Variants in RTF1 observed in about 807,000 individuals in gnomAD.
RTF1 encodes the protein RTF1 homolog, Paf1/RNA polymerase II complex component, also known as RNA polymerase-associated protein RTF1 homolog.
Under a neutral mutation model 95.7 loss-of-function variants are expected in RTF1, and 10 were observed. The observed-to-expected ratio is 0.10, with a 90% CI of 0.06 to 0.18. RTF1 has a LOEUF of 0.18. Ranked by LOEUF, RTF1 falls within the 10% of genes least tolerant of loss-of-function variation. RTF1 has a pLI of 1.00. For synonymous variants in RTF1, 305 were observed against 311.8 expected (o/e 0.98, Z 0.23); for missense variants, 458 against 875.6 (o/e 0.52, Z 6.02).
Position 41,471,184 on chromosome 15 carries a change from C to G in RTF1, c.1038C>G (p.Ile346Met), listed in dbSNP as rs773003912. Residue 346 changes from isoleucine (I) to methionine (M), a missense_variant, in exon 8 of 18, where the codon ATC becomes ATG. By Grantham distance (10) the Ile-to-Met change is conservative. Around this residue, in one of 11 missense-constraint regions of RTF1, gnomAD observed 150 missense variants for 275.7 expected, o/e 0.54. Coordinates refer to ENST00000389629, the MANE Select transcript of RTF1 (RefSeq NM_015138.5). Reference protein sequence around the residue: ...SSDEEEEKEEIPPKSQPVSLP... With the variant: ...SSDEEEEKEEMPPKSQPVSLP... The stretch of plus-strand genomic sequence containing the variant: ...TTGTTCCTCTTAGGAAAGAAGAGAT[C>G]CCTCCCAAATCCCAACCAGTTTCCT... 3.1e-6 allele frequency: 5 copies of G among 1,607,196 alleles called. No individual in the cohort carries two copies. Among genetic ancestry groups the G allele is most frequent in the Non-Finnish European group, 4.2e-6 (5 of 1,177,336 alleles).
At chr15:41,477,833 C>T (rs1432787475) in intron 14 of RTF1, among the ~76,000 whole-genome samples, 1 of 152,078 alleles carries the variant, frequency 6.6e-6, no homozygotes, top group Non-Finnish European at 1.5e-5. Context: ...ATGCCGGGCG[C>T]GGTGTCTCAC....
At chr15:41,446,017 AG>A (rs1275956261) in intron 2 of RTF1, among the ~76,000 whole-genome samples, 1 of 152,134 alleles carries the variant, frequency 6.6e-6, no homozygotes, top group Non-Finnish European at 1.5e-5. Flanking sequence ...ATCCCAGCAC[AG>A]GTGTGAGCCA....
chr15:41,432,442 C>A (rs938593954), intron 1 of RTF1, among the ~76,000 whole-genome samples: 2 of 151,680 alleles, frequency 1.3e-5, no homozygotes, highest in Admixed American at 1.3e-4. Context: ...CGTGATCCAC[C>A]CACCTCAGCC....
At chr15:41,459,375 C>CA (rs1441711722) in intron 4 of RTF1, among the ~76,000 whole-genome samples, 4 of 150,320 alleles carry the variant, frequency 2.7e-5, no homozygotes, top group Non-Finnish European at 4.4e-5. Flanking sequence ...GACCCTGTGT[C>CA]AAAAAAAAGG....
At chr15:41,454,786 T>C (rs1461686536) in intron 3 of RTF1, among the ~76,000 whole-genome samples, 1 of 152,174 alleles carries the variant, frequency 6.6e-6, no homozygotes, top group Admixed American at 6.5e-5. Context: ...CCAAACCAAA[T>C]GAAGTGGACA....
At chr15:41,446,634 C>T (rs1002899868) in intron 2 of RTF1, among the ~76,000 whole-genome samples, 2 of 151,986 alleles carry the variant, frequency 1.3e-5, no homozygotes, top group Admixed American at 1.3e-4. Flanking sequence ...TGCGCTAAAA[C>T]TTGTCTTATT....
chr15:41,460,785 C>G (rs1179471232), intron 4 of RTF1, among the ~76,000 whole-genome samples: 1 of 151,930 alleles, frequency 6.6e-6, no homozygotes. Flanking sequence ...TTGCCACCTC[C>G]TGGATTCAAG....
At chr15:41,477,346 G>A in intron 13 of RTF1, 60 bp downstream of exon 13, 1 of 1,613,780 alleles carries the variant, frequency 6.2e-7, no homozygotes, top group Non-Finnish European at 8.5e-7. Flanking sequence ...AGGCAAGCCT[G>A]TGGCCTGTAC....
chr15:41,437,939 A>G (rs1017269455), intron 1 of RTF1, among the ~76,000 whole-genome samples: 2 of 152,208 alleles, frequency 1.3e-5, no homozygotes, highest in Non-Finnish European at 2.9e-5. Context: ...CAATTTTACC[A>G]TTAAAATACT....
intron 2 of RTF1, chr15:41,440,266 C>G (rs2050726462): frequency 6.7e-6 from 1 of 150,284 alleles, no homozygotes; most frequent in Admixed American, 6.7e-5. Context: ...TCTCGGCTCA[C>G]TGCAACCTCT....
At chr15:41,434,400 C>T (rs868693165) in intron 1 of RTF1, among the ~76,000 whole-genome samples, 8 of 152,102 alleles carry the variant, frequency 5.3e-5, no homozygotes, top group South Asian at 2.1e-4. Context: ...GTGAATGAAT[C>T]TCAAATGCAC....
intron 1 of RTF1, among the ~76,000 whole-genome samples, chr15:41,434,479 A>G (rs1326245370): frequency 6.6e-6 from 1 of 152,142 alleles, no homozygotes; most frequent in African/African-American, 2.4e-5. Flanking sequence ...ATGATGTTCT[A>G]TAGGGACAGA....
chr15:41,464,545 C>T (rs2050870806), intron 4 of RTF1, among the ~76,000 whole-genome samples: 1 of 152,196 alleles, frequency 6.6e-6, no homozygotes, highest in South Asian at 2.1e-4. Context: ...GGCCCGTAGT[C>T]TCTCATTTTA....
chr15:41,475,392 T>C (rs747543857), intron 9 of RTF1, 133 bp from the exon 10 acceptor site: 2 of 685,728 alleles, frequency 2.9e-6, no homozygotes, highest in Non-Finnish European at 5.0e-6. Context: ...CCTGGGATGA[T>C]TTTATAGGGT....
At chr15:41,455,674 G>A (rs2050810173) in intron 3 of RTF1, among the ~76,000 whole-genome samples, 1 of 151,742 alleles carries the variant, frequency 6.6e-6, no homozygotes, top group Non-Finnish European at 1.5e-5. Context: ...GCATGGTGGT[G>A]CGCTCCTGTG....
chr15:41,450,209 A>G (rs2140957205), intron 2 of RTF1, among the ~76,000 whole-genome samples: 1 of 152,336 alleles, frequency 6.6e-6, no homozygotes, highest in Admixed American at 6.5e-5. Context: ...AATAAAAAAT[A>G]AAATGAAATA....
intron 16 of RTF1, 130 bp downstream of exon 16, chr15:41,479,328 C>G (rs1478400237): frequency 1.6e-6 from 1 of 618,114 alleles, no homozygotes; most frequent in Non-Finnish European, 2.9e-6. Flanking sequence ...AGTCCCTTCT[C>G]CATCCCAGTT....
Position 41,417,176 on chromosome 15 carries a change from C to A in RTF1, c.61C>A (p.Leu21Met). 1 of 1,264,268 alleles carries A rather than the reference C, an allele frequency of 7.9e-7. No individual in the cohort carries two copies. The highest frequency in any genetic ancestry group is 1.0e-6 in the Non-Finnish European group (1 of 1,000,428). 78.3% of individuals were successfully genotyped at this position (1,264,268 alleles called of 1,614,324 possible). ...GGCGGCGGCGGCAGTGGCGGTCCCA[C>A]TGGCAGGCGGGCAAGAGGGGAGTCC... ...AAAAAAVAVPLAGGQEGSPGG... is the reference protein window; with the variant it reads ...AAAAAAVAVPMAGGQEGSPGG... The change falls in exon 1 of 18, where the codon CTG (leucine) becomes ATG (methionine). Residue 21 changes from leucine to methionine, a missense_variant. This residue lies in a region of RTF1 where 81 missense variants were observed against 59.9 expected (regional missense o/e 1.35). Transcript: ENST00000389629.
At chr15:41,441,141 T>A (rs1450467421) in intron 2 of RTF1, among the ~76,000 whole-genome samples, 1 of 151,770 alleles carries the variant, frequency 6.6e-6, no homozygotes, top group African/African-American at 2.4e-5. Context: ...CTGGCTAATT[T>A]TTTGTATTTT....
Sources: gnomAD v4.1 joint callset for allele counts (sites outside exome capture counted in the v4.1 genomes callset) on GRCh38, gnomAD v4.1.1 for gene constraint, gnomAD v4.1.1 regional missense constraint, MANE v1.5 for transcripts, NCBI Gene and HGNC (gene_info 2026-07-23, HGNC 2026-07-21) for gene names.